Variants in KHDC1 observed in about 807,000 individuals in gnomAD.
KHDC1 encodes the protein KH domain containing 1, also known as KH homology domain-containing protein 1.
Under a neutral mutation model 24.7 loss-of-function variants are expected in KHDC1, and 21 were observed. That is an observed-to-expected ratio of 0.85 (90% CI 0.60 to 1.23). The LOEUF (loss-of-function observed/expected upper bound fraction) is 1.23, where lower values mean the gene tolerates loss of function less well. KHDC1 is among the 50% of genes most tolerant of loss of function. The pLI, the probability that KHDC1 is intolerant of heterozygous loss-of-function variation, is 0.00. For synonymous variants in KHDC1, 98 were observed against 111.7 expected, an observed-to-expected ratio of 0.88 and a Z score of 0.77; for missense variants, 274 against 298.5, an observed-to-expected ratio of 0.92 and a Z score of 0.61.
At chr6:73,291,994 G>A (rs777358614) in intron 2 of KHDC1, 81 of 1,613,638 alleles carry the variant, frequency 5.0e-5, no homozygotes, top group South Asian at 7.7e-5. Context: ...CTCGCATCAC[G>A]CACCTTTTGG....
rs191021966 is a variant in KHDC1, at chr6:73,250,660, C to T, written c.207-8130G>A. 1.0e-3 allele frequency among the ~76,000 whole-genome samples: 156 copies of T among 152,308 alleles called. 1 individual carries two copies. Among genetic ancestry groups the T allele is most frequent in the African/African-American group, 3.4e-3 (141 of 41,578 alleles). On this transcript the variant is annotated intron_variant, in intron 2 of 4. Coordinates refer to ENST00000370384, the Ensembl canonical transcript of KHDC1. ...TCAAATCATGCTACATGATTCTGGT[C>T]CCTTTTACATACTACTCTCATTTTG...
intron 1 of KHDC1, chr6:73,292,941 A>G (rs1339325623): frequency 9.3e-6 from 8 of 858,716 alleles, no homozygotes; most frequent in Non-Finnish European, 9.6e-6. Context: ...GATTTCATTG[A>G]CAATGCCCAT....
At chr6:73,252,706 A>G (rs1465434739) in intron 2 of KHDC1, among the ~76,000 whole-genome samples, 3 of 151,858 alleles carry the variant, frequency 2.0e-5, no homozygotes, top group Admixed American at 2.0e-4. Flanking sequence ...AGTCCCAGCT[A>G]CTCAGGAGGC....
intron 1 of KHDC1, chr6:73,292,802 A>G: frequency 2.8e-6 from 2 of 707,928 alleles, no homozygotes; most frequent in South Asian, 2.8e-5. Flanking sequence ...GGAGTCTTAC[A>G]CATATAAAGA....
chr6:73,251,851 A>G (rs1766782900), intron 2 of KHDC1, among the ~76,000 whole-genome samples: 1 of 143,218 alleles, frequency 7.0e-6, no homozygotes, highest in South Asian at 2.2e-4. Flanking sequence ...ATGCTGGAGT[A>G]CAGTAGCAAG....
intron 2 of KHDC1, chr6:73,270,223 TTTCTG>T (rs1206136884): frequency 6.6e-6 from 1 of 152,210 alleles, no homozygotes; most frequent in Non-Finnish European, 1.5e-5. Flanking sequence ...TATTTTTGGT[TTTCTG>T]TTCTATTTCA....
At chr6:73,263,045 C>G in intron 2 of KHDC1, 2 of 949,494 alleles carry the variant, frequency 2.1e-6, no homozygotes, top group South Asian at 4.1e-5. Context: ...AGTAGGGCGG[C>G]GGCGGCGGCG....
At chr6:73,263,270 G>A in intron 2 of KHDC1, 74 bp from the exon 1 acceptor site, 3 of 985,800 alleles carry the variant, frequency 3.0e-6, no homozygotes, top group Non-Finnish European at 3.6e-6. Context: ...CCTGCTCTGT[G>A]TAGGAGACAG....
At chr6:73,255,904 CAAAA>C (rs1205326198) in intron 2 of KHDC1, among the ~76,000 whole-genome samples, 2 of 49,394 alleles carry the variant, frequency 4.0e-5, no homozygotes, top group Admixed American at 2.1e-4. Flanking sequence ...CCTGTCTCAA[CAAAA>C]AAAAAAAAAA....
At chr6:73,277,584 C>T (rs1044955988) in intron 2 of KHDC1, among the ~76,000 whole-genome samples, 3 of 152,104 alleles carry the variant, frequency 2.0e-5, no homozygotes, top group African/African-American at 4.8e-5. Flanking sequence ...AGCGCAATTG[C>T]TTATATCTGT....
intron 2 of KHDC1, chr6:73,263,549 T>A (rs502107): frequency 0.71 from 106,916 of 150,040 alleles, 39,026 homozygotes; most frequent in South Asian, 0.79. Flanking sequence ...GACCCTCGGG[T>A]GTCGGTCCAC....
rs766005212 is a variant in KHDC1 at position 73,242,069 on chromosome 6, T to C, written c.500A>G (p.Tyr167Cys). Residue 167 changes from tyrosine (Y) to cysteine (C), a missense_variant, in exon 4 of 5, where the codon TAT (tyrosine) becomes TGT (cysteine). Coordinates refer to ENST00000370384, the Ensembl canonical transcript of KHDC1. ...AGGATACCTACCTCGAGCATGATGA[T>C]AGGAGTCCTGGCTCCCCACACAACA... 3 of 1,612,766 alleles carry C rather than the reference T, an allele frequency of 1.9e-6. No homozygotes were observed. The South Asian group carries it at 3.3e-5, about 18-fold the overall frequency.
At chr6:73,259,016 T>C (rs935137574) in intron 2 of KHDC1, among the ~76,000 whole-genome samples, 2 of 152,342 alleles carry the variant, frequency 1.3e-5, no homozygotes. Flanking sequence ...AGGGCAGGGC[T>C]TGCAGGAAGA....
intron 1 of KHDC1, among the ~76,000 whole-genome samples, chr6:73,304,291 A>G (rs761082297): frequency 3.9e-5 from 6 of 152,214 alleles, no homozygotes; most frequent in Non-Finnish European, 5.9e-5. Flanking sequence ...TTGAAAGTCT[A>G]AAATCTCAAA....
At chr6:73,291,087 G>T in intron 2 of KHDC1, 2 of 463,462 alleles carry the variant, frequency 4.3e-6, no homozygotes, top group Non-Finnish European at 8.5e-6. Flanking sequence ...CTGCTGTAGT[G>T]CAAGTTTACT....
At chr6:73,252,816 CAA>C (rs202060782) in intron 2 of KHDC1, among the ~76,000 whole-genome samples, 13 of 132,464 alleles carry the variant, frequency 9.8e-5, no homozygotes, top group Admixed American at 1.5e-4. Flanking sequence ...GACTCTACCT[CAA>C]AAAAAAAAAA....
chr6:73,304,326 A>G (rs1767924893), intron 1 of KHDC1, among the ~76,000 whole-genome samples: 1 of 152,252 alleles, frequency 6.6e-6, no homozygotes, highest in Non-Finnish European at 1.5e-5. Flanking sequence ...AAGTAAAGGT[A>G]CAATGTATAA....
chr6:73,274,964 G>C (rs1341050765), intron 2 of KHDC1: 1 of 152,774 alleles, frequency 6.5e-6, no homozygotes, highest in Non-Finnish European at 1.5e-5. Context: ...CCTGGAGGAG[G>C]TGGAGCTTAC....
exon 1 of KHDC1, chr6:73,309,850 G>A: frequency 9.7e-7 from 1 of 1,030,690 alleles, no homozygotes; most frequent in Non-Finnish European, 1.4e-6. Context: ...GAAGGAAAGG[G>A]CCACTTCGGG....
Sources: allele counts gnomAD v4.1 joint callset (sites outside exome capture counted in the v4.1 genomes callset), GRCh38; gene constraint gnomAD v4.1.1; transcripts MANE v1.5; gene names NCBI Gene and HGNC (gene_info 2026-07-23, HGNC 2026-07-21).